MAPK15: variants seen among roughly 807,000 people sequenced by gnomAD.
The protein encoded by MAPK15 is ERK-7.
Under a neutral mutation model 60.8 loss-of-function variants are expected in MAPK15, and 61 were observed. The observed-to-expected ratio is 1.00, with a 90% CI of 0.82 to 1.24. The LOEUF is 1.24. Ranked by LOEUF, MAPK15 falls within the 50% of genes most tolerant of loss-of-function variation. MAPK15 has a pLI of 0.00. For missense variants in MAPK15, 808 were observed against 741.1 expected (o/e 1.09, Z -1.05); for synonymous variants, 356 against 319.9 (o/e 1.11, Z -1.21).
chr8:143,720,450 G>A lies in MAPK15; in HGVS notation c.779+163G>A. 1 of 1,447,430 alleles carries A rather than the reference G, an allele frequency of 6.9e-7. No homozygotes were observed. Among genetic ancestry groups the A allele is most frequent in the Non-Finnish European group, 9.1e-7 (1 of 1,097,116 alleles). The allele number at this position is 1,447,430 out of a possible 1,614,324, so 89.7% of individuals were successfully genotyped here. ...CAACTGTTGGCCACACTGAAAGCAG[G>A]AGCCCCTCTGGTGCTCCTAGAGGGT... On this transcript the variant is annotated intron_variant, in intron 8 of 13. Transcript: ENST00000338033. This position sits in a 1 kb window ranked among gnomAD's most constrained non-coding sequence, Gnocchi z 4.6.
intron 1 of MAPK15, among the ~76,000 whole-genome samples, chr8:143,717,037 T>A (rs1410503776): frequency 6.6e-6 from 1 of 152,014 alleles, no homozygotes; most frequent in African/African-American, 2.4e-5. Context: ...CAGGGTTGTG[T>A]ATGTGCAACT....
chr8:143,721,332 T>G lies in MAPK15; in HGVS notation c.1125T>G (p.Pro375=). The part of the protein sequence containing the change: ...QAHLHKPRAD[P]QLPSRTPVQG... ...ACCTGCACAAACCCAGAGCCGACCC[T>G]CAGCTGCCTTCTAGGACACCTGTGC... Residue 375 remains proline (P), a synonymous_variant, in exon 11 of 14, where the codon CCT becomes CCG. Coordinates refer to ENST00000338033, the MANE Select transcript of MAPK15 (RefSeq NM_139021.3). 6 of 1,613,540 alleles carry G rather than the reference T, an allele frequency of 3.7e-6. No individual in the cohort carries two copies. Among genetic ancestry groups the G allele is most frequent in the Non-Finnish European group, 5.1e-6 (6 of 1,179,912 alleles).
In MAPK15 at chr8:143,721,415, T is replaced by C; in HGVS notation, c.1204+4T>C. ...GGCCATGACCCTGCCGAGCACGGTG[T>C]GTGATCTTTGCTGGCCGCCCACGCG... On this transcript the variant is annotated splice_donor_region_variant and intron_variant, in intron 11 of 13. Transcript: ENST00000338033. 6.2e-7 allele frequency: 1 copy of C among 1,609,988 alleles called. No individual in the cohort carries two copies. Among genetic ancestry groups the C allele is most frequent in the Admixed American group, 1.7e-5 (1 of 59,608 alleles).
At chr8:143,717,960 A>G in intron 2 of MAPK15, 87 bp from the exon 3 acceptor site, 1 of 1,582,820 alleles carries the variant, frequency 6.3e-7, no homozygotes. Flanking sequence ...GTATTGGGTG[A>G]CAGACATCAG....
rs372074744 is a variant in MAPK15 at position 143,718,911 on chromosome 8, G to T, written c.417+6G>T. The T allele has an allele frequency of 6.2e-7, 1 of 1,602,156 alleles. No individual in the cohort carries two copies. Among genetic ancestry groups the T allele is most frequent in the Non-Finnish European group, 8.5e-7 (1 of 1,173,634 alleles). The stretch of plus-strand genomic sequence containing the variant: ...TTGTGCACCGGGACCAGAAGGTGCG[G>T]TTCCCCCGCCCCCGCTATGCCACGT... On this transcript the variant is annotated splice_donor_region_variant and intron_variant, in intron 5 of 13. Transcript: ENST00000338033.
chr8:143,722,108 G>T lies in MAPK15; in HGVS notation c.1492G>T (p.Gly498Cys), dbSNP rs782370563. 46 of 1,612,164 alleles carry T rather than the reference G, an allele frequency of 2.9e-5. No homozygotes were observed. Among genetic ancestry groups the T allele is most frequent in the Admixed American group, 1.0e-4 (6 of 59,958 alleles). Residue 498 changes from glycine to cysteine, a missense_variant, in exon 14 of 14, where the codon GGC becomes TGC. Gly to Cys is a radical substitution (Grantham distance 159). Coordinates refer to ENST00000338033, the MANE Select transcript of MAPK15 (RefSeq NM_139021.3). ...PPRLPPEARP[G>C]RRMFSTSALQ... ...CCGGCTTCCTCCGGAGGCCCGGCCC[G>T]GCCGGAGGATGTTCAGCACCTCTGC...
Position 143,721,373 on chromosome 8 carries a change from G to T in MAPK15, c.1166G>T (p.Arg389Met). Residue 389 changes from arginine (R) to methionine (M), a missense_variant, in exon 11 of 14, where the codon AGG (arginine) becomes ATG (methionine). Physicochemically the swap from Arg to Met is moderately conservative, Grantham distance 91. Transcript: ENST00000338033. The stretch of plus-strand genomic sequence containing the variant: ...ACACCTGTGCAGGGTCCCAGACCCA[G>T]GCCCCAGAGCAGCCCAGGCCATGAC... The part of the protein sequence containing the change: ...SRTPVQGPRP[R>M]PQSSPGHDPA... The T allele has an allele frequency of 6.2e-7, 1 of 1,613,072 alleles. No homozygotes were observed. The highest frequency in any genetic ancestry group is 8.5e-7 in the Non-Finnish European group (1 of 1,179,720).
chr8:143,718,250 C>T lies in MAPK15; in HGVS notation c.234C>T (p.Asp78=), dbSNP rs56186625. 75,821 of 1,614,110 alleles carry T rather than the reference C, an allele frequency of 0.047. 2,052 individuals carry two copies. Among genetic ancestry groups the T allele is most frequent in the Non-Finnish European group, 0.055 (64,318 of 1,179,962 alleles). The part of the protein sequence containing the change: ...GDHPNIISLL[D]VIRAENDRDI... ...ATCCCAACATCATCAGCCTCCTTGA[C>T]GTGATCCGGGCAGAGAACGACAGGG... Residue 78 remains aspartate (D), a synonymous_variant, in exon 4 of 14, where the codon GAC becomes GAT. Transcript: ENST00000338033.
chr8:143,721,282 G>C lies in MAPK15; in HGVS notation c.1075G>C (p.Glu359Gln). 1 of 1,613,588 alleles carries C rather than the reference G, an allele frequency of 6.2e-7. No homozygotes were observed. The highest frequency in any genetic ancestry group is 8.5e-7 in the Non-Finnish European group (1 of 1,179,912). Residue 359 changes from glutamate (E) to glutamine (Q), a missense_variant, in exon 11 of 14, where the codon GAG becomes CAG. Transcript: ENST00000338033. ...CGGCACCTCGAGAGAGAAGGGCCCGGAGGGTGTCTCCCCAAGCCAGGCACA... is the reference window on the plus strand; with the variant it reads ...CGGCACCTCGAGAGAGAAGGGCCCGCAGGGTGTCTCCCCAAGCCAGGCACA... ...SSGTSREKGP[E>Q]GVSPSQAHLH...
rs782652619 is a variant in MAPK15, at chr8:143,721,328, A to T, written c.1121A>T (p.Asp374Val). ...SQAHLHKPRA[D>V]PQLPSRTPVQ... Reference sequence around the variant, plus strand: ...GCACACCTGCACAAACCCAGAGCCGACCCTCAGCTGCCTTCTAGGACACCT... The same window carrying T: ...GCACACCTGCACAAACCCAGAGCCGTCCCTCAGCTGCCTTCTAGGACACCT... Residue 374 changes from aspartate to valine, a missense_variant, in exon 11 of 14, where the codon GAC becomes GTC. Transcript: ENST00000338033. 2.5e-6 allele frequency: 4 copies of T among 1,613,288 alleles called. No homozygotes were observed. The highest frequency in any genetic ancestry group is 3.4e-6 in the Non-Finnish European group (4 of 1,179,902).
At position 143,719,143 on chromosome 8, in the gene MAPK15, C is replaced by A; in HGVS notation, c.568C>A (p.Leu190Ile). 1 of 1,548,770 alleles carries A rather than the reference C, an allele frequency of 6.5e-7. No homozygotes were observed. Among genetic ancestry groups the A allele is most frequent in the South Asian group, 1.2e-5 (1 of 84,122 alleles). Residue 190 changes from leucine to isoleucine, a missense_variant, in exon 6 of 14, where the codon CTC becomes ATC. Physicochemically the swap from Leu to Ile is conservative, Grantham distance 5. Transcript: ENST00000338033. Reference protein sequence around the residue: ...TRWYRAPEVLLSSHRYTLGVD... With the variant: ...TRWYRAPEVLISSHRYTLGVD... ...CTGGTACCGAGCACCGGAGGTGCTG[C>A]TCTCTTCGCACCGGTAATAGCGAGA...
chr8:143,718,260 G>A lies in MAPK15; in HGVS notation c.244G>A (p.Ala82Thr), dbSNP rs1554618810. 2 of 1,614,174 alleles carry A rather than the reference G, an allele frequency of 1.2e-6. No homozygotes were observed. The highest frequency in any genetic ancestry group is 2.2e-5 in the East Asian group (1 of 44,890). The change falls in exon 4 of 14, where the codon GCA becomes ACA. Residue 82 changes from alanine to threonine, a missense_variant. Transcript: ENST00000338033. ...NIISLLDVIR[A>T]ENDRDIYLVF... ...CATCAGCCTCCTTGACGTGATCCGG[G>A]CAGAGAACGACAGGGACATTTACCT...
Position 143,720,145 on chromosome 8 carries a change from C to A in MAPK15, c.722-85C>A. 1 of 1,524,476 alleles carries A rather than the reference C, an allele frequency of 6.6e-7. No homozygotes were observed. Among genetic ancestry groups the A allele is most frequent in the South Asian group, 1.2e-5 (1 of 83,518 alleles). 94.4% of individuals were successfully genotyped at this position (1,524,476 alleles called of 1,614,324 possible). ...TGTAGAGAGGCTGTGCTCCCTGGGG[C>A]TGGAAGAGATGACTGGCCCCAGATG... On this transcript the variant is annotated intron_variant, in intron 7 of 13. Transcript: ENST00000338033. This position sits in a 1 kb window ranked among gnomAD's most constrained non-coding sequence, Gnocchi z 4.6.
At chr8:143,718,953 C>T in intron 5 of MAPK15, 40 bp from the exon 6 acceptor site, 4 of 1,598,296 alleles carry the variant, frequency 2.5e-6, no homozygotes, top group Non-Finnish European at 2.6e-6. Context: ...GCTCCCGGCC[C>T]CACCCAGCCC....
rs1384018387 is a variant in MAPK15 at position 143,719,148 on chromosome 8, T to C, written c.573T>C (p.Ser191=). 3.2e-6 allele frequency: 5 copies of C among 1,543,488 alleles called. No homozygotes were observed. The highest frequency in any genetic ancestry group is 4.4e-6 in the Non-Finnish European group (5 of 1,144,054). ...ACCGAGCACCGGAGGTGCTGCTCTCTTCGCACCGGTAATAGCGAGACATCC... is the reference window on the plus strand; with the variant it reads ...ACCGAGCACCGGAGGTGCTGCTCTCCTCGCACCGGTAATAGCGAGACATCC... ...RWYRAPEVLL[S]SHRYTLGVDM... The change falls in exon 6 of 14, where the codon TCT becomes TCC. Residue 191 remains serine, a synonymous_variant. Coordinates refer to ENST00000338033, the MANE Select transcript of MAPK15 (RefSeq NM_139021.3).
chr8:143,717,918 A>G (rs1410064895), intron 2 of MAPK15, 126 bp downstream of exon 2: 76 of 1,508,418 alleles, frequency 5.0e-5, no homozygotes, highest in Non-Finnish European at 6.8e-5. Flanking sequence ...CTGTCTCGGA[A>G]CACTGCCCCC....
chr8:143,716,539 C>G, intron 1 of MAPK15, 96 bp downstream of exon 1: 1 of 1,114,376 alleles, frequency 9.0e-7, no homozygotes, highest in Non-Finnish European at 1.2e-6. Context: ...GAGGCCTGTT[C>G]CGTCACACAC....
intron 1 of MAPK15, among the ~76,000 whole-genome samples, chr8:143,717,295 G>A (rs11776672): frequency 0.61 from 92,822 of 152,054 alleles, 33,061 homozygotes; most frequent in Non-Finnish European, 0.8. Context: ...GGACCAGGGT[G>A]GGGGCAGAAG....
chr8:143,716,386 C>T lies in MAPK15; in HGVS notation c.9C>T (p.Thr3=). 1 of 1,599,888 alleles carries T rather than the reference C, an allele frequency of 6.3e-7. No homozygotes were observed. Among genetic ancestry groups the T allele is most frequent in the Non-Finnish European group, 8.5e-7 (1 of 1,174,788 alleles). MC[T]VVDPRIVRRY... is the part of the protein sequence containing the mutation. ...CGGGCGTCCTGGCCGCCATGTGCACCGTAGTGGACCCTCGCATTGTCCGGA... is the reference window on the plus strand; with the variant it reads ...CGGGCGTCCTGGCCGCCATGTGCACTGTAGTGGACCCTCGCATTGTCCGGA... The change falls in exon 1 of 14, where the codon ACC becomes ACT. Residue 3 remains threonine, a synonymous_variant. Transcript: ENST00000338033.
Sources: allele counts gnomAD v4.1 joint callset (sites outside exome capture counted in the v4.1 genomes callset), GRCh38; gene constraint gnomAD v4.1.1; non-coding constraint Gnocchi (gnomAD v3.1); transcripts MANE v1.5; gene names NCBI Gene and HGNC (gene_info 2026-07-23, HGNC 2026-07-21).